Variants in LARP1B observed in about 807,000 individuals in gnomAD.
LARP1B encodes La ribonucleoprotein 1B.
Under a neutral mutation model 114.2 loss-of-function variants are expected in LARP1B, and 76 were observed. The ratio of observed to expected loss-of-function variants is 0.67; its 90% CI spans 0.55 to 0.81. The LOEUF (loss-of-function observed/expected upper bound fraction) is 0.81, where lower values mean the gene tolerates loss of function less well. LARP1B is among the 30% of genes least tolerant of loss of function. LARP1B has a pLI of 0.00. For synonymous variants in LARP1B, 345 were observed against 348.0 expected (o/e 0.99, Z 0.10); for missense variants, 1,014 against 1,075.8 (o/e 0.94, Z 0.80).
rs369547768 is a variant in LARP1B, at chr4:128,203,125, G to A, written c.2309+2460G>A. Among the ~76,000 whole-genome samples the A allele has an allele frequency of 5.3e-5, 8 of 152,240 alleles. No homozygotes were observed. In the East Asian group the frequency reaches 1.6e-3, roughly 30 times the overall value. On this transcript the variant is annotated intron_variant, in intron 17 of 19. Coordinates refer to ENST00000326639, the MANE Select transcript of LARP1B (RefSeq NM_018078.4). ...GAGAACTGCTTGAGCCTGGGAGGAG[G>A]AGGTTGCAGTGAGCCAAGGTTGTGC...
chr4:128,186,867 G>A (rs1211904916), intron 15 of LARP1B, among the ~76,000 whole-genome samples: 1 of 152,202 alleles, frequency 6.6e-6, no homozygotes, highest in Non-Finnish European at 1.5e-5. Flanking sequence ...AGCTGCTCCA[G>A]CTGTAGCATG....
At chr4:128,125,971 C>G (rs1789453105) in intron 11 of LARP1B, among the ~76,000 whole-genome samples, 1 of 152,102 alleles carries the variant, frequency 6.6e-6, no homozygotes, top group South Asian at 2.1e-4. Context: ...AAATATTCAC[C>G]TTTATCTTAG....
At chr4:128,107,709 G>C in intron 9 of LARP1B, 1 of 1,446,514 alleles carries the variant, frequency 6.9e-7, no homozygotes, top group Non-Finnish European at 9.0e-7. Context: ...TTACCAATAC[G>C]CTTTAATCTT....
chr4:128,074,517 AGG>A lies in LARP1B; in HGVS notation c.-19_-19+1del. On this transcript the variant is annotated splice_donor_variant and 5_prime_UTR_variant, in exon 2 of 20. Coordinates refer to ENST00000326639, the MANE Select transcript of LARP1B (RefSeq NM_018078.4). LOFTEE classifies it low-confidence loss of function (5UTR_SPLICE). ...AAGCTCAAGACAAAGAAATCCAACA[AGG>A]TATGTCTTCATAGGAAATAGTTCTT... is the stretch of plus-strand genomic sequence containing the variant. 1 of 922,182 alleles carries A rather than the reference AGG, an allele frequency of 1.1e-6. No individual in the cohort carries two copies. Among genetic ancestry groups the A allele is most frequent in the Non-Finnish European group, 1.3e-6 (1 of 771,574 alleles). The allele number at this position is 922,182 out of a possible 1,614,324, so 57.1% of individuals were successfully genotyped here. A position where few individuals can be genotyped will look rare whatever the true frequency, so the allele number is the denominator to read the frequency against.
chr4:128,180,640 G>A (rs1181704764), intron 15 of LARP1B, among the ~76,000 whole-genome samples: 2 of 152,140 alleles, frequency 1.3e-5, no homozygotes, highest in Non-Finnish European at 2.9e-5. Flanking sequence ...AATGGAAAAT[G>A]TTTAATTTAC....
intron 15 of LARP1B, among the ~76,000 whole-genome samples, chr4:128,186,653 A>G (rs1191480158): frequency 6.6e-6 from 1 of 152,136 alleles, no homozygotes; most frequent in Non-Finnish European, 1.5e-5. Flanking sequence ...TCTTGCTAGG[A>G]CTTACAGTAC....
At chr4:128,113,435 G>A (rs921991253) in intron 9 of LARP1B, among the ~76,000 whole-genome samples, 7 of 149,330 alleles carry the variant, frequency 4.7e-5, no homozygotes, top group Admixed American at 3.4e-4. Context: ...TCTGCCTTGC[G>A]GATTCAAGCA....
At chr4:128,061,538 C>A (rs1287125969) in intron 1 of LARP1B, 137 bp downstream of exon 1, 1 of 313,578 alleles carries the variant, frequency 3.2e-6, no homozygotes, top group African/African-American at 2.3e-5. Context: ...GGGCGCTGCG[C>A]GGCCTCGGCG....
intron 5 of LARP1B, 33 bp from the exon 6 acceptor site, chr4:128,090,968 C>T (rs776035871): frequency 7.7e-5 from 112 of 1,462,862 alleles, no homozygotes; most frequent in Non-Finnish European, 9.8e-5. Flanking sequence ...CTTGGCAAAT[C>T]GAAGTATATA....
chr4:128,062,592 C>CTTTTTTTTTTTTTTT (rs10659836), intron 1 of LARP1B, among the ~76,000 whole-genome samples: 268 of 128,212 alleles, frequency 2.1e-3, no homozygotes, highest in African/African-American at 7.4e-3. Context: ...TTTTGGTAGA[C>CTTTTTTTTTTTTTTT]TTTTTTTTTT....
intron 11 of LARP1B, among the ~76,000 whole-genome samples, chr4:128,141,908 T>G (rs911615267): frequency 1.3e-5 from 2 of 152,180 alleles, no homozygotes; most frequent in African/African-American, 4.8e-5. Context: ...CATTCCCCCT[T>G]ACAAATGAGG....
chr4:128,062,876 C>T (rs1760823370), intron 1 of LARP1B, among the ~76,000 whole-genome samples: 1 of 151,770 alleles, frequency 6.6e-6, no homozygotes, highest in South Asian at 2.1e-4. Context: ...GTGTAACCTG[C>T]ACGTTGTGCA....
At chr4:128,116,003 A>G (rs1008273149) in intron 10 of LARP1B, among the ~76,000 whole-genome samples, 4 of 152,360 alleles carry the variant, frequency 2.6e-5, no homozygotes, top group South Asian at 2.1e-4. Flanking sequence ...TTAATTATTT[A>G]TAAGGTTTAT....
Position 128,091,343 on chromosome 4 carries a change from C to G in LARP1B, c.503-4C>G. 1 of 1,603,446 alleles carries G rather than the reference C, an allele frequency of 6.2e-7. No individual in the cohort carries two copies. ...TACCTTTCTTTTTCTTTATTCACAT[C>G]AAGTGAACTTTGATTATTCATATGG... On this transcript the variant is annotated splice_polypyrimidine_tract_variant and splice_region_variant and intron_variant, in intron 6 of 19. Transcript: ENST00000326639.
At chr4:128,129,823 GAA>G (rs199670384) in intron 11 of LARP1B, among the ~76,000 whole-genome samples, 1 of 142,316 alleles carries the variant, frequency 7.0e-6, no homozygotes, top group African/African-American at 2.6e-5. Flanking sequence ...GCATTGAGGT[GAA>G]AAAAAAAAAA....
intron 14 of LARP1B, 125 bp from the exon 15 acceptor site, chr4:128,179,278 TATG>T (rs1248885192): frequency 4.0e-6 from 2 of 497,800 alleles, no homozygotes; most frequent in Non-Finnish European, 6.9e-6. Context: ...TGTGACTTCA[TATG>T]ATTTCACAAT....
chr4:128,084,753 C>T (rs1278307527), intron 5 of LARP1B, among the ~76,000 whole-genome samples: 1 of 152,138 alleles, frequency 6.6e-6, no homozygotes, highest in African/African-American at 2.4e-5. Flanking sequence ...TTGATTACCC[C>T]TGTAACTTTG....
chr4:128,114,460 C>G (rs529237979), intron 9 of LARP1B, 110 bp from the exon 10 acceptor site: 36 of 776,138 alleles, frequency 4.6e-5, no homozygotes, highest in Admixed American at 1.4e-4. Flanking sequence ...TGAGACTGAT[C>G]ATGTTTTTGT....
intron 4 of LARP1B, among the ~76,000 whole-genome samples, chr4:128,079,828 G>C (rs913485000): frequency 6.6e-6 from 1 of 151,676 alleles, no homozygotes; most frequent in African/African-American, 2.4e-5. Context: ...GCCTCCCAAA[G>C]TGCTGGGATT....
Sources: allele counts gnomAD v4.1 joint callset (sites outside exome capture counted in the v4.1 genomes callset), GRCh38; gene constraint gnomAD v4.1.1; transcripts MANE v1.5; gene names NCBI Gene and HGNC (gene_info 2026-07-23, HGNC 2026-07-21).